The following DLG2 variants were observed in gnomAD, a reference collection of about 807,000 sequenced individuals.
DLG2 encodes the protein discs large MAGUK scaffold protein 2.
DLG2 carries 45 observed loss-of-function variants against 132.5 expected under a neutral mutation model. The ratio of observed to expected loss-of-function variants is 0.34; its 90% CI spans 0.27 to 0.44. The LOEUF (loss-of-function observed/expected upper bound fraction) is 0.44. Among genes scored for constraint, DLG2 ranks in the 20% least tolerant of loss-of-function variants. DLG2 has a pLI of 1.00. For missense variants in DLG2, 1,045 were observed against 1,196.9 expected (o/e 0.87, Z 1.87); for synonymous variants, 424 against 419.6 (o/e 1.01, Z -0.13).
chr11:85,309,774 C>T (rs898404739), intron 3 of DLG2, among the ~76,000 whole-genome samples: 27 of 152,114 alleles, frequency 1.8e-4, no homozygotes, highest in Admixed American at 6.6e-4. Flanking sequence ...TACTTTTTAT[C>T]CCTTAACTCA....
At chr11:84,757,975 G>A (rs1216470906) in intron 6 of DLG2, among the ~76,000 whole-genome samples, 3 of 152,238 alleles carry the variant, frequency 2.0e-5, no homozygotes, top group East Asian at 3.9e-4. Context: ...TAAAATCATA[G>A]AGCCTCAGGA....
chr11:84,637,784 C>G (rs189003930), intron 6 of DLG2, among the ~76,000 whole-genome samples: 1 of 152,292 alleles, frequency 6.6e-6, no homozygotes, highest in African/African-American at 2.4e-5. Context: ...TAGTGTGGAG[C>G]TTTTGGTTTA....
At chr11:84,707,364 T>G (rs919299956) in intron 6 of DLG2, among the ~76,000 whole-genome samples, 1 of 151,860 alleles carries the variant, frequency 6.6e-6, no homozygotes, top group East Asian at 1.9e-4. Flanking sequence ...AGCAGGGTTT[T>G]GGGCACATGC....
At chr11:85,152,400 T>C (rs2077313290) in intron 5 of DLG2, among the ~76,000 whole-genome samples, 1 of 151,956 alleles carries the variant, frequency 6.6e-6, no homozygotes, top group South Asian at 2.1e-4. Context: ...ACCACCACAC[T>C]TGGCTAATTT....
intron 6 of DLG2, among the ~76,000 whole-genome samples, chr11:85,087,350 T>TTAACAC (rs1296794255): frequency 6.6e-6 from 1 of 152,174 alleles, no homozygotes; most frequent in African/African-American, 2.4e-5. Flanking sequence ...TCTAAAATGA[T>TTAACAC]TAACACTTAA....
chr11:85,382,061 G>T (rs932076060), intron 3 of DLG2, among the ~76,000 whole-genome samples: 1 of 152,020 alleles, frequency 6.6e-6, no homozygotes, highest in African/African-American at 2.4e-5. Flanking sequence ...ATGGGACCCA[G>T]AATAACCAAA....
intron 6 of DLG2, among the ~76,000 whole-genome samples, chr11:84,895,075 T>C (rs1262105860): frequency 6.6e-6 from 1 of 152,202 alleles, no homozygotes; most frequent in Admixed American, 6.5e-5. Context: ...AAATTTAATT[T>C]AAATGAAGTT....
At chr11:84,839,208 CAGAG>C (rs1316451130) in intron 6 of DLG2, among the ~76,000 whole-genome samples, 1 of 152,060 alleles carries the variant, frequency 6.6e-6, no homozygotes, top group African/African-American at 2.4e-5. Flanking sequence ...AAAAGACAAA[CAGAG>C]AGCTGAATCA....
At chr11:84,667,893 T>C (rs2099701580) in intron 6 of DLG2, among the ~76,000 whole-genome samples, 1 of 152,070 alleles carries the variant, frequency 6.6e-6, no homozygotes, top group South Asian at 2.1e-4. Flanking sequence ...GAGCACAGAC[T>C]AAAAAATCAA....
intron 11 of DLG2, among the ~76,000 whole-genome samples, chr11:83,988,388 T>C (rs1261812822): frequency 6.6e-6 from 1 of 151,686 alleles, no homozygotes; most frequent in Non-Finnish European, 1.5e-5. Context: ...TCTTTTTGCT[T>C]AGCAGGCTCT....
chr11:83,839,957 A>G (rs1302606106), intron 16 of DLG2, among the ~76,000 whole-genome samples: 1 of 152,120 alleles, frequency 6.6e-6, no homozygotes, highest in Non-Finnish European at 1.5e-5. Context: ...CCTAGTTTCA[A>G]TCTTCCAAAT....
intron 6 of DLG2, among the ~76,000 whole-genome samples, chr11:84,973,347 G>A (rs542533814): frequency 6.6e-6 from 1 of 152,144 alleles, no homozygotes; most frequent in Non-Finnish European, 1.5e-5. Context: ...AAATCAGATA[G>A]TGCAGGAGGC....
intron 15 of DLG2, among the ~76,000 whole-genome samples, chr11:83,888,451 G>A (rs1055103338): frequency 2.0e-5 from 3 of 151,918 alleles, no homozygotes; most frequent in Non-Finnish European, 2.9e-5. Context: ...AAATAAAAGA[G>A]GATACAAACA....
At chr11:83,579,462 T>C (rs779423409) in intron 19 of DLG2, among the ~76,000 whole-genome samples, 11 of 152,212 alleles carry the variant, frequency 7.2e-5, no homozygotes, top group Non-Finnish European at 1.6e-4. Flanking sequence ...TGTGACTGTA[T>C]CTAGATTTTG....
At chr11:84,394,913 C>T (rs183663204) in intron 7 of DLG2, among the ~76,000 whole-genome samples, 4 of 152,270 alleles carry the variant, frequency 2.6e-5, no homozygotes, top group Admixed American at 2.6e-4. Flanking sequence ...AGTCACAGCA[C>T]CTAGCCCTTC....
intron 4 of DLG2, among the ~76,000 whole-genome samples, chr11:85,162,058 T>A (rs1323159906): frequency 6.6e-6 from 1 of 152,116 alleles, no homozygotes; most frequent in Non-Finnish European, 1.5e-5. Flanking sequence ...GGAGACACAA[T>A]GATTCCATTA....
In DLG2 at chr11:83,769,563, T is replaced by C. The variant is rs891560429; in HGVS notation, c.1825+17127A>G. ...TAGAGGAGAATGACTCTAGCTTCTT[T>C]TTTTTTTTTTTTTTTTTGAGATGGA... On this transcript the variant is annotated intron_variant, in intron 18 of 27. Coordinates refer to ENST00000376104, the MANE Select transcript of DLG2 (RefSeq NM_001142699.3). Among the ~76,000 whole-genome samples the C allele has an allele frequency of 5.5e-3, 817 of 148,404 alleles. 7 individuals are homozygous for C. The highest frequency in any genetic ancestry group is 0.019 in the African/African-American group (771 of 40,492).
chr11:84,146,817 T>C (rs2095102295), intron 9 of DLG2, among the ~76,000 whole-genome samples: 1 of 152,170 alleles, frequency 6.6e-6, no homozygotes, highest in African/African-American at 2.4e-5. Flanking sequence ...TGGTGGTTTC[T>C]GATTGGGTCC....
chr11:83,894,618 C>T (rs12287752), intron 15 of DLG2, among the ~76,000 whole-genome samples: 14,673 of 152,100 alleles, frequency 0.096, 843 homozygotes, highest in Middle Eastern at 0.2. Context: ...GGATATCTAT[C>T]GCCTCAACCA....
Sources: allele counts gnomAD v4.1 joint callset (sites outside exome capture counted in the v4.1 genomes callset), GRCh38; gene constraint gnomAD v4.1.1; transcripts MANE v1.5; gene names NCBI Gene and HGNC (gene_info 2026-07-23, HGNC 2026-07-21).